Variants in PGAP6 observed in about 807,000 individuals in gnomAD.
PGAP6 encodes the protein post-GPI attachment to proteins 6.
Under a neutral mutation model 68.4 loss-of-function variants are expected in PGAP6, and 62 were observed. That is an observed-to-expected ratio of 0.91 (90% CI 0.74 to 1.12). The LOEUF is 1.12. PGAP6 is among the 50% of genes most tolerant of loss of function. The pLI is 0.00. For missense variants in PGAP6, 1,188 were observed against 1,068.5 expected, an observed-to-expected ratio of 1.11 and a Z score of -1.56; for synonymous variants, 575 against 474.0, an observed-to-expected ratio of 1.21 and a Z score of -2.77.
intron 1 of PGAP6, among the ~76,000 whole-genome samples, chr16:378,852 G>A (rs12445642): frequency 0.047 from 7,127 of 152,294 alleles, 228 homozygotes; most frequent in Non-Finnish European, 0.073. Flanking sequence ...CGTTCCAAGC[G>A]GGCAAGGCTC....
rs1230158246 is a variant in PGAP6, at chr16:374,255, G to A, written c.1721C>T (p.Ala574Val). Residue 574 changes from alanine (A) to valine (V), a missense_variant, in exon 10 of 13, where the codon GCC (alanine) becomes GTC (valine). Transcript: ENST00000431232. ...VSVRRFFLVE[A>V]SVYAYTMFFS... Reference sequence around the variant, plus strand: ...GAACATGGTGTAGGCGTAGACGGAGGCCTCCACCAGGAAGAATCGCCGCAC... The same window carrying A: ...GAACATGGTGTAGGCGTAGACGGAGACCTCCACCAGGAAGAATCGCCGCAC... The A allele has an allele frequency of 1.2e-5, 19 of 1,608,006 alleles. No homozygotes were observed. Among genetic ancestry groups the A allele is most frequent in the East Asian group, 2.2e-5 (1 of 44,860 alleles).
At chr16:375,288 A>C (rs776868696) in intron 7 of PGAP6, 32 bp from the exon 8 acceptor site, 25 of 1,612,426 alleles carry the variant, frequency 1.6e-5, no homozygotes, top group Non-Finnish European at 2.0e-5. Flanking sequence ...CCATCAGAGG[A>C]GGCCGGGGCG....
Position 375,138 on chromosome 16 carries a change from A to G in PGAP6, c.1434T>C (p.Asn478=). The G allele has an allele frequency of 6.2e-7, 1 of 1,613,268 alleles. No homozygotes were observed. Among genetic ancestry groups the G allele is most frequent in the Non-Finnish European group, 8.5e-7 (1 of 1,179,962 alleles). ...YLSLQLMCPE[N]AEDCEQAVVH... is the part of the protein sequence containing the mutation. Reference sequence around the variant, plus strand: ...TCTGCCCTAGGTTTACTTACTCAGCATTCTCAGGGCACATGAGCTGCAGGG... The same window carrying G: ...TCTGCCCTAGGTTTACTTACTCAGCGTTCTCAGGGCACATGAGCTGCAGGG... The change falls in exon 8 of 13, where the codon AAT becomes AAC. Residue 478 remains asparagine (N), a synonymous_variant. Transcript: ENST00000431232.
At chr16:376,994 G>C (rs770071288) in intron 4 of PGAP6, 43 bp downstream of exon 4, 2 of 1,608,934 alleles carry the variant, frequency 1.2e-6, no homozygotes, top group Non-Finnish European at 1.7e-6. Context: ...TCTGAGAAGG[G>C]GCCGGAGGGC....
At chr16:381,195 C>G (rs1018588984) in intron 1 of PGAP6, among the ~76,000 whole-genome samples, 6 of 152,088 alleles carry the variant, frequency 3.9e-5, no homozygotes, top group Non-Finnish European at 8.8e-5. Context: ...GAAGCCGGGC[C>G]GGCGGCAGGA....
At chr16:377,623 G>A (rs1288847425) in intron 2 of PGAP6, 38 bp from the exon 3 acceptor site, 1 of 1,569,026 alleles carries the variant, frequency 6.4e-7, no homozygotes, top group Non-Finnish European at 8.6e-7. Context: ...CAGGCACAGG[G>A]CTTGGCCAGG....
chr16:382,045 G>GGGGGGGCGCGACC, upstream of PGAP6: 1 of 258,714 alleles, frequency 3.9e-6, no homozygotes, highest in Non-Finnish European at 5.0e-6. Context: ...GGGCGGGACC[G>GGGGGGGCGCGACC]GGGGGGGCGC....
At chr16:377,011 G>A (rs577391866) in intron 4 of PGAP6, 26 bp downstream of exon 4, 59 of 1,611,374 alleles carry the variant, frequency 3.7e-5, no homozygotes, top group Non-Finnish European at 4.4e-5. Flanking sequence ...GGGCAGAGCC[G>A]GGCTGCCCCC....
At position 376,649 on chromosome 16, in the gene PGAP6, G is replaced by A; in HGVS notation, c.799C>T (p.Leu267=). 1 of 1,608,018 alleles carries A rather than the reference G, an allele frequency of 6.2e-7. No homozygotes were observed. Among genetic ancestry groups the A allele is most frequent in the Non-Finnish European group, 8.5e-7 (1 of 1,177,572 alleles). ...TCCCAGGGCGGTGAGGGCAGCAGCA[G>A]GCGGCAGGGCCAGGGGGCACCGGTG... is the stretch of plus-strand genomic sequence containing the variant. ...TCTGAPWPCR[L]LLPSPPWDRW... is the part of the protein sequence containing the mutation. Residue 267 remains leucine (L), a synonymous_variant, in exon 5 of 13, where the codon CTG becomes TTG. Transcript: ENST00000431232.
At position 377,858 on chromosome 16, in the gene PGAP6, G is replaced by A. The variant is rs1045394470; in HGVS notation, c.122-10C>T. 2 of 1,549,726 alleles carry A rather than the reference G, an allele frequency of 1.3e-6. No individual in the cohort carries two copies. The highest frequency in any genetic ancestry group is 1.2e-5 in the South Asian group (1 of 83,928). ...GACACCAGCCCCACCTCTGTGAGGA[G>A]AAGGAGGTGTCAGCCAGGCCGGGAC... On this transcript the variant is annotated splice_polypyrimidine_tract_variant and intron_variant, in intron 1 of 12. Coordinates refer to ENST00000431232, the MANE Select transcript of PGAP6 (RefSeq NM_021259.3).
intron 4 of PGAP6, 66 bp from the exon 5 acceptor site, chr16:376,878 A>G (rs2054389550): frequency 6.3e-7 from 1 of 1,580,482 alleles, no homozygotes; most frequent in African/African-American, 1.3e-5. Context: ...CAGCGTGCCC[A>G]GGCTCTGCTG....
chr16:386,728 A>AC (rs1567329304), upstream of PGAP6: 14 of 90,374 alleles, frequency 1.5e-4, no homozygotes, highest in African/African-American at 2.8e-3. Context: ...AAAAAAACCA[A>AC]AAAAAAAAAA....
chr16:379,256 G>C (rs1028747730), intron 1 of PGAP6, among the ~76,000 whole-genome samples: 2 of 152,158 alleles, frequency 1.3e-5, no homozygotes, highest in Non-Finnish European at 2.9e-5. Context: ...CCTGAGGAGG[G>C]AGACAGGTGA....
chr16:375,416 G>A lies in PGAP6; in HGVS notation c.1244C>T (p.Thr415Ile), dbSNP rs748656747. The A allele has an allele frequency of 1.2e-6, 2 of 1,612,524 alleles. No homozygotes were observed. The highest frequency in any genetic ancestry group is 1.1e-5 in the South Asian group (1 of 91,066). ...RANKTEMRNE[T>I]VVVACVNAAS... Reference sequence around the variant, plus strand: ...AGCATTCACGCAGGCCACTACGACGGTCTCGTTCCGCATCTCTGTCTGGAA... The same window carrying A: ...AGCATTCACGCAGGCCACTACGACGATCTCGTTCCGCATCTCTGTCTGGAA... Residue 415 changes from threonine (T) to isoleucine (I), a missense_variant, in exon 7 of 13, where the codon ACC becomes ATC. Transcript: ENST00000431232.
chr16:377,138 G>C lies in PGAP6; in HGVS notation c.534C>G (p.Val178=). 2 of 1,613,662 alleles carry C rather than the reference G, an allele frequency of 1.2e-6. No individual in the cohort carries two copies. Among genetic ancestry groups the C allele is most frequent in the Non-Finnish European group, 1.7e-6 (2 of 1,180,022 alleles). ...GCGTGACCAGCAGTTCAGGCTGGAAGACGTAGGCACAGGTGGGAGCCAAGC... is the reference window on the plus strand; with the variant it reads ...GCGTGACCAGCAGTTCAGGCTGGAACACGTAGGCACAGGTGGGAGCCAAGC... The part of the protein sequence containing the change: ...LKGLAPTCAY[V]FQPELLVTRV... Residue 178 remains valine (V), a synonymous_variant, in exon 4 of 13, where the codon GTC becomes GTG. Coordinates refer to ENST00000431232, the MANE Select transcript of PGAP6 (RefSeq NM_021259.3).
chr16:375,001 G>A, intron 8 of PGAP6, 109 bp from the exon 9 acceptor site: 2 of 1,577,714 alleles, frequency 1.3e-6, no homozygotes, highest in Non-Finnish European at 1.7e-6. Flanking sequence ...AGGGCCCCCA[G>A]CTTTCAGCAG....
At chr16:382,301 C>T, upstream of PGAP6, 1 of 391,456 alleles carries the variant, frequency 2.6e-6, no homozygotes, top group Non-Finnish European at 4.5e-6. Flanking sequence ...CAGCTCCGCT[C>T]GGCCGGGACC....
chr16:385,364 G>T (rs1014225086), upstream of PGAP6, among the ~76,000 whole-genome samples: 4 of 140,982 alleles, frequency 2.8e-5, no homozygotes, highest in African/African-American at 1.1e-4. Context: ...CCAGGCTGGA[G>T]TGCAGTGATG....
intron 4 of PGAP6, 63 bp downstream of exon 4, chr16:376,974 C>A: frequency 1.2e-6 from 2 of 1,600,170 alleles, no homozygotes; most frequent in East Asian, 2.2e-5. Flanking sequence ...CTCGCACCCA[C>A]TCCACCGAAT....
Sources: gnomAD v4.1 joint callset for allele counts (sites outside exome capture counted in the v4.1 genomes callset) on GRCh38, gnomAD v4.1.1 for gene constraint, MANE v1.5 for transcripts, NCBI Gene and HGNC (gene_info 2026-07-23, HGNC 2026-07-21) for gene names.